KIF1A: variants seen among roughly 807,000 people sequenced by gnomAD.
KIF1A encodes kinesin family member 1A.
In KIF1A, 46 loss-of-function variants were observed where a neutral mutation model predicts 227.3. That is an observed-to-expected ratio of 0.20 (90% CI 0.16 to 0.26). The LOEUF is 0.26. KIF1A is among the 10% of genes least tolerant of loss of function. The probability of loss-of-function intolerance (pLI) is 1.00; values close to 1 mark genes in which losing one functional copy is unlikely to be tolerated. For missense variants in KIF1A, 1,683 were observed against 2,485.9 expected, an observed-to-expected ratio of 0.68 and a Z score of 6.87; for synonymous variants, 1,022 against 1,012.8, an observed-to-expected ratio of 1.01 and a Z score of -0.17.
At position 240,740,778 on chromosome 2, in the gene KIF1A, T is replaced by C. The variant is rs1489377507; in HGVS notation, c.3750-414A>G. On this transcript the variant is annotated intron_variant, in intron 35 of 48. Coordinates refer to ENST00000498729, the MANE Select transcript of KIF1A (RefSeq NM_001244008.2). This position sits in a 1 kb window ranked among gnomAD's most constrained non-coding sequence, Gnocchi z 6.1. ...GCTCCTGTCCCACTCTGGGCAAGGA[T>C]CCGAGTCTCCACCAGGCCCCACTCT... Among the ~76,000 whole-genome samples, 1 of 151,878 alleles carries C rather than the reference T, an allele frequency of 6.6e-6. No individual in the cohort carries two copies. Among genetic ancestry groups the C allele is most frequent in the Non-Finnish European group, 1.5e-5 (1 of 67,970 alleles).
At chr2:240,720,220 C>T (rs1219601336) in intron 45 of KIF1A, 1 of 307,502 alleles carries the variant, frequency 3.3e-6, no homozygotes. Flanking sequence ...CTCTCCTGCC[C>T]CCACCTCCAC....
intron 28 of KIF1A, chr2:240,748,779 C>T: frequency 4.8e-6 from 1 of 210,516 alleles, no homozygotes. Flanking sequence ...AATGACATGG[C>T]CAGTGGGAGG....
chr2:240,781,463 C>CCA (rs34158686), intron 10 of KIF1A, among the ~76,000 whole-genome samples: 977 of 28,576 alleles, frequency 0.034, 142 homozygotes, highest in Non-Finnish European at 0.044. Context: ...ACACACAGCT[C>CCA]CACACACACA....
intron 10 of KIF1A, among the ~76,000 whole-genome samples, chr2:240,776,515 A>T (rs377465327): frequency 4.6e-5 from 7 of 152,178 alleles, no homozygotes; most frequent in African/African-American, 1.7e-4. Flanking sequence ...CCCTCCCCTC[A>T]GAATGAAGCA....
intron 10 of KIF1A, among the ~76,000 whole-genome samples, chr2:240,780,160 T>C (rs2053445946): frequency 6.6e-6 from 1 of 151,726 alleles, no homozygotes; most frequent in Non-Finnish European, 1.5e-5. Context: ...TGACGCAGCG[T>C]TCACACGGTT....
chr2:240,761,129 G>A lies in KIF1A; in HGVS notation c.2265+100C>T, dbSNP rs74002913. The A allele has an allele frequency of 0.023, 32,497 of 1,389,986 alleles. 1,019 individuals are homozygous for A. Among genetic ancestry groups the A allele is most frequent in the African/African-American group, 0.14 (9,541 of 69,952 alleles). 86.1% of individuals were successfully genotyped at this position (1,389,986 alleles called of 1,614,324 possible). On this transcript the variant is annotated intron_variant, in intron 24 of 48. Coordinates refer to ENST00000498729, the MANE Select transcript of KIF1A (RefSeq NM_001244008.2). ...GGGCTGCTATGCCACCCCCGGGGCCGGCAGAGAGCCAAGTGCTGAGTCCCA... is the reference window on the plus strand; with the variant it reads ...GGGCTGCTATGCCACCCCCGGGGCCAGCAGAGAGCCAAGTGCTGAGTCCCA...
rs2044921461 is a variant in KIF1A, at chr2:240,718,987, G to A, written c.5214+19C>T. The A allele has an allele frequency of 3.1e-6, 5 of 1,589,734 alleles. No individual in the cohort carries two copies. The highest frequency in any genetic ancestry group is 4.3e-6 in the Non-Finnish European group (5 of 1,162,252). On this transcript the variant is annotated intron_variant, in intron 47 of 48. Transcript: ENST00000498729. ...GCTAGGGTTCCTGGTGCCCGAGCCT[G>A]AGCCGGGCCCAGCCGCACCTTGAGC... is the stretch of plus-strand genomic sequence containing the variant.
chr2:240,735,989 GT>G (rs2047273420), intron 38 of KIF1A, among the ~76,000 whole-genome samples: 1 of 142,012 alleles, frequency 7.0e-6, no homozygotes, highest in South Asian at 2.2e-4. Flanking sequence ...ACCCCCCACT[GT>G]TCAGCGCTGT....
In KIF1A at chr2:240,745,806, G is replaced by A; in HGVS notation, c.3306C>T (p.Thr1102=). 1 of 1,613,086 alleles carries A rather than the reference G, an allele frequency of 6.2e-7. No homozygotes were observed. Among genetic ancestry groups the A allele is most frequent in the Non-Finnish European group, 8.5e-7 (1 of 1,179,726 alleles). The change falls in exon 31 of 49, where the codon ACC becomes ACT. Residue 1102 remains threonine (T), a synonymous_variant. Transcript: ENST00000498729. ...LDHLRLGNTF[T]FRVTVLQASS... ...ACGCCTGCAGGACTGTCACACGGAAGGTGAAGGTGTTGCCCAGGCGGAGGT... is the reference window on the plus strand; with the variant it reads ...ACGCCTGCAGGACTGTCACACGGAAAGTGAAGGTGTTGCCCAGGCGGAGGT...
In KIF1A at chr2:240,757,530, C is replaced by T; in HGVS notation, c.2647G>A (p.Ala883Thr). 1 of 1,550,594 alleles carries T rather than the reference C, an allele frequency of 6.4e-7. No homozygotes were observed. The highest frequency in any genetic ancestry group is 8.7e-7 in the Non-Finnish European group (1 of 1,147,010). Residue 883 changes from alanine to threonine, a missense_variant, in exon 27 of 49, where the codon GCT (alanine) becomes ACT (threonine). Coordinates refer to ENST00000498729, the MANE Select transcript of KIF1A (RefSeq NM_001244008.2). This position sits in a 1 kb window ranked among gnomAD's most constrained non-coding sequence, Gnocchi z 6.2. ...GAGAAGGTGGGGGAGGGGGTGAGAG[C>T]AGCCATGCGCTCGCTCATGCATGTG... is the stretch of plus-strand genomic sequence containing the variant. ...LNTCMSERMA[A>T]LTPSPTFSSP...
intron 45 of KIF1A, 134 bp from the exon 46 acceptor site, chr2:240,720,060 C>G: frequency 1.3e-6 from 1 of 799,516 alleles, no homozygotes; most frequent in Non-Finnish European, 1.8e-6. Context: ...CCAGCTGTGC[C>G]CACAGTGGGA....
chr2:240,747,508 C>T (rs759315565), intron 28 of KIF1A, among the ~76,000 whole-genome samples, 187 bp from the exon 29 acceptor site: 1 of 152,318 alleles, frequency 6.6e-6, no homozygotes, highest in South Asian at 2.1e-4. Flanking sequence ...ACACTGACCA[C>T]CCGCCTGCCC....
intron 37 of KIF1A, among the ~76,000 whole-genome samples, chr2:240,738,385 T>C (rs961826643): frequency 7.9e-5 from 12 of 152,166 alleles, no homozygotes; most frequent in Non-Finnish European, 1.6e-4. Context: ...TCCTCGACTT[T>C]CATCCCTTTC....
chr2:240,797,554 G>A, intron 2 of KIF1A, 93 bp downstream of exon 2: 4 of 872,284 alleles, frequency 4.6e-6, no homozygotes, highest in South Asian at 1.4e-5. Flanking sequence ...TGCGGCCAGG[G>A]CCAGGTTGAC....
At chr2:240,719,690 C>T (rs2045051451) in intron 46 of KIF1A, 84 bp downstream of exon 46, 20 of 1,393,466 alleles carry the variant, frequency 1.4e-5, no homozygotes, top group Admixed American at 6.0e-5. Context: ...GTCCCTGTGC[C>T]CCCAGTATGG....
In KIF1A at chr2:240,758,254, A is replaced by C; in HGVS notation, c.2582+106T>G. On this transcript the variant is annotated intron_variant, in intron 26 of 48. Transcript: ENST00000498729. The surrounding 1 kb of genome is among the most constrained non-coding windows in gnomAD (Gnocchi z 5.2). ...GCTGGGAATATGGGGCTGGAAAAGC[A>C]CTTGTCAGGGCCGCTCCTTGTATCA... is the stretch of plus-strand genomic sequence containing the variant. 2.3e-6 allele frequency: 3 copies of C among 1,306,884 alleles called. No homozygotes were observed. Among genetic ancestry groups the C allele is most frequent in the East Asian group, 5.2e-5 (2 of 38,676 alleles). 81.0% of individuals were successfully genotyped at this position (1,306,884 alleles called of 1,614,324 possible). A position where few individuals can be genotyped will look rare whatever the true frequency, so the allele number is the denominator to read the frequency against.
rs2125925799 is a variant in KIF1A at position 240,766,995 on chromosome 2, C to T, written c.1604G>A (p.Arg535Gln). ...GTGCCCACTCAGAACAATGTCCTGC[C>T]GCCTCTCGCCATCCTCCCTGCCCAC... ...TRVGREDGER[R>Q]QDIVLSGHFI... The change falls in exon 19 of 49, where the codon CGG becomes CAG. Residue 535 changes from arginine (R) to glutamine (Q), a missense_variant. Arg to Gln is a conservative substitution (Grantham distance 43, BLOSUM62 1). Around this residue, in one of 12 missense-constraint regions of KIF1A, gnomAD observed 217 missense variants for 427.0 expected, o/e 0.51. Transcript: ENST00000498729. The surrounding 1 kb of genome is among the most constrained non-coding windows in gnomAD (Gnocchi z 5.0). The T allele has an allele frequency of 1.2e-6, 2 of 1,611,676 alleles. No individual in the cohort carries two copies. Among genetic ancestry groups the T allele is most frequent in the African/African-American group, 1.3e-5 (1 of 74,984 alleles).
At chr2:240,753,923 A>G (rs2049518437) in intron 27 of KIF1A, among the ~76,000 whole-genome samples, 1 of 152,114 alleles carries the variant, frequency 6.6e-6, no homozygotes, top group Admixed American at 6.6e-5. Context: ...AAGCTCCACC[A>G]CCTACTTCTA....
intron 10 of KIF1A, among the ~76,000 whole-genome samples, chr2:240,779,649 T>C (rs1336043839): frequency 1.4e-5 from 2 of 139,332 alleles, no homozygotes; most frequent in African/African-American, 5.5e-5. Flanking sequence ...CTCACTCACT[T>C]CCTCACAGTT....
Sources: gnomAD v4.1 joint callset for allele counts (sites outside exome capture counted in the v4.1 genomes callset) on GRCh38, gnomAD v4.1.1 for gene constraint, gnomAD v4.1.1 regional missense constraint, Gnocchi (gnomAD v3.1) non-coding constraint, MANE v1.5 for transcripts, NCBI Gene and HGNC (gene_info 2026-07-23, HGNC 2026-07-21) for gene names.